Variants in ZNF423 observed in about 807,000 individuals in gnomAD.
ZNF423 encodes the protein zinc finger protein 423.
ZNF423 carries 12 observed loss-of-function variants against 95.8 expected under a neutral mutation model. The ratio of observed to expected loss-of-function variants is 0.13; its 90% CI spans 0.08 to 0.20. The LOEUF (loss-of-function observed/expected upper bound fraction) is 0.20. ZNF423 is among the 10% of genes least tolerant of loss of function. ZNF423 has a pLI of 1.00. For synonymous variants in ZNF423, 749 were observed against 711.9 expected (o/e 1.05, Z -0.83); for missense variants, 1,316 against 1,737.1 (o/e 0.76, Z 4.31).
intron 1 of ZNF423, chr16:49,822,816 C>T: frequency 8.9e-7 from 1 of 1,120,392 alleles, no homozygotes; most frequent in Non-Finnish European, 1.2e-6. Context: ...CACTTGTATA[C>T]CCATTTGACA....
chr16:49,629,496 C>G (rs1426599151), intron 4 of ZNF423, among the ~76,000 whole-genome samples: 2 of 152,198 alleles, frequency 1.3e-5, no homozygotes, highest in Non-Finnish European at 2.9e-5. Context: ...ATGTGCAACA[C>G]CCCCTCCATC....
intron 7 of ZNF423, among the ~76,000 whole-genome samples, chr16:49,496,956 C>T (rs956592059): frequency 6.6e-6 from 1 of 152,152 alleles, no homozygotes; most frequent in East Asian, 1.9e-4. Context: ...TCTGGGTGTC[C>T]AAAGGGCTGG....
At chr16:49,642,468 A>G (rs1973007201) in intron 3 of ZNF423, among the ~76,000 whole-genome samples, 1 of 152,226 alleles carries the variant, frequency 6.6e-6, no homozygotes, top group Non-Finnish European at 1.5e-5. Context: ...TTGAAACTAA[A>G]GCAAAGCGTA....
At chr16:49,815,013 C>T (rs2034814824) in intron 1 of ZNF423, among the ~76,000 whole-genome samples, 1 of 152,132 alleles carries the variant, frequency 6.6e-6, no homozygotes, top group South Asian at 2.1e-4. Context: ...TCCCAAGCCA[C>T]GTCGGGGAGG....
chr16:49,614,287 T>C (rs1350244875), intron 5 of ZNF423, among the ~76,000 whole-genome samples: 1 of 151,346 alleles, frequency 6.6e-6, no homozygotes, highest in African/African-American at 2.4e-5. Context: ...ACTAAACAAA[T>C]AGTGACAGAA....
At chr16:49,533,166 A>G (rs952002209) in intron 5 of ZNF423, among the ~76,000 whole-genome samples, 1 of 152,162 alleles carries the variant, frequency 6.6e-6, no homozygotes. Flanking sequence ...TGGCTTGATC[A>G]CTAGGTTGTC....
intron 1 of ZNF423, among the ~76,000 whole-genome samples, chr16:49,846,344 A>C (rs961072034): frequency 5.3e-5 from 8 of 150,796 alleles, no homozygotes; most frequent in African/African-American, 2.0e-4. Context: ...CCACAGAGGT[A>C]GTGAGCGCCC....
At chr16:49,666,987 G>A (rs546319935) in intron 3 of ZNF423, among the ~76,000 whole-genome samples, 1 of 152,260 alleles carries the variant, frequency 6.6e-6, no homozygotes, top group African/African-American at 2.4e-5. Flanking sequence ...CACCAACACC[G>A]ACCTCAAATT....
At chr16:49,507,095 C>T (rs910374231) in intron 7 of ZNF423, among the ~76,000 whole-genome samples, 3 of 152,200 alleles carry the variant, frequency 2.0e-5, no homozygotes, top group African/African-American at 7.2e-5. Flanking sequence ...AGCCAAGTCA[C>T]TCGCTTCTCT....
At chr16:49,505,835 A>C (rs1178785360) in intron 7 of ZNF423, among the ~76,000 whole-genome samples, 1 of 152,136 alleles carries the variant, frequency 6.6e-6, no homozygotes, top group African/African-American at 2.4e-5. Context: ...CTGGCCTCAA[A>C]TGCCTCGTCT....
At chr16:49,552,935 C>A (rs992427002) in intron 5 of ZNF423, among the ~76,000 whole-genome samples, 9 of 152,082 alleles carry the variant, frequency 5.9e-5, no homozygotes, top group Non-Finnish European at 1.3e-4. Flanking sequence ...CCCTGGAAAC[C>A]AGCATTTATG....
chr16:49,688,960 C>G lies in ZNF423; in HGVS notation c.301+41811G>C, dbSNP rs183426910. On this transcript the variant is annotated intron_variant, in intron 3 of 7. Transcript: ENST00000563137. ...TACTAGCAAGAGCCTAGAGCTGGAC[C>G]AGGAGCCACCTGCACTACCCTGGCT... Among the ~76,000 whole-genome samples, 383 of 152,312 alleles carry G rather than the reference C, an allele frequency of 2.5e-3. 2 individuals carry two copies. The highest frequency in any genetic ancestry group is 8.9e-3 in the African/African-American group (368 of 41,558).
chr16:49,856,924 G>A (rs1367985787), upstream of ZNF423, among the ~76,000 whole-genome samples: 1 of 147,142 alleles, frequency 6.8e-6, no homozygotes, highest in African/African-American at 2.4e-5. Context: ...AGCAGGCGGC[G>A]GCGGCGGCGG....
chr16:49,614,265 C>T (rs1971807883), intron 5 of ZNF423, among the ~76,000 whole-genome samples: 1 of 152,192 alleles, frequency 6.6e-6, no homozygotes, highest in Non-Finnish European at 1.5e-5. Flanking sequence ...ATGCAACTAT[C>T]AGATTGGCTA....
chr16:49,803,053 G>A (rs955133538), intron 1 of ZNF423, among the ~76,000 whole-genome samples: 59 of 151,866 alleles, frequency 3.9e-4, no homozygotes, highest in Non-Finnish European at 5.9e-4. Flanking sequence ...CCAGGAGTTC[G>A]AGACCAGCCT....
intron 7 of ZNF423, among the ~76,000 whole-genome samples, chr16:49,493,407 C>T (rs1237240194): frequency 2.0e-5 from 3 of 152,224 alleles, no homozygotes; most frequent in Admixed American, 1.3e-4. Context: ...GTGGCGGCAC[C>T]TCCTTTCTCA....
intron 2 of ZNF423, among the ~76,000 whole-genome samples, chr16:49,754,555 C>T (rs1390951657): frequency 6.6e-6 from 1 of 152,170 alleles, no homozygotes; most frequent in Admixed American, 6.5e-5. Flanking sequence ...CTTCCAGGTC[C>T]TCTTCCACTA....
chr16:49,539,525 G>A (rs1446881186), intron 5 of ZNF423, among the ~76,000 whole-genome samples: 7 of 152,140 alleles, frequency 4.6e-5, no homozygotes, highest in Admixed American at 2.6e-4. Context: ...CCACCTCCCC[G>A]GGCCAATGTT....
chr16:49,588,159 G>A (rs1412611220), intron 5 of ZNF423, among the ~76,000 whole-genome samples: 1 of 152,218 alleles, frequency 6.6e-6, no homozygotes, highest in African/African-American at 2.4e-5. Context: ...CAAGCCTAGG[G>A]TGGAGAGTCT....
Sources: allele counts gnomAD v4.1 joint callset (sites outside exome capture counted in the v4.1 genomes callset), GRCh38; gene constraint gnomAD v4.1.1; transcripts MANE v1.5; gene names NCBI Gene and HGNC (gene_info 2026-07-23, HGNC 2026-07-21).